AFF2: variants seen among roughly 807,000 people sequenced by gnomAD.
AFF2 encodes the protein ALF transcription elongation factor 2.
Under a neutral mutation model 76.9 loss-of-function variants are expected in AFF2, and 14 were observed. That is an observed-to-expected ratio of 0.18 (90% confidence interval 0.12 to 0.28). The LOEUF (loss-of-function observed/expected upper bound fraction) is 0.28, where lower values mean the gene tolerates loss of function less well. AFF2 is among the 10% of genes least tolerant of loss of function. AFF2 has a pLI of 1.00. For synonymous variants in AFF2, 398 were observed against 366.7 expected (o/e 1.09, Z -0.98); for missense variants, 868 against 1,001.1 (o/e 0.87, Z 1.79).
intron 1 of AFF2, among the ~76,000 whole-genome samples, chrX:148,552,241 G>T (rs2053002790): frequency 8.9e-6 from 1 of 112,151 alleles, no homozygotes; most frequent in African/African-American, 3.2e-5. Context: ...GGGTGGTCTT[G>T]GGAACCCCTG....
At chrX:148,577,806 T>C (rs1185031728) in intron 1 of AFF2, among the ~76,000 whole-genome samples, 2 of 111,772 alleles carry the variant, frequency 1.8e-5, no homozygotes, top group African/African-American at 6.5e-5. Context: ...AGCGGCATCA[T>C]CTTTTTTCCC....
In AFF2 at chrX:148,662,293, C is replaced by G. The variant is rs782397628; in HGVS notation, c.566C>G (p.Ser189Cys). ...ATGCAGACTTTGACACAGGACCAGT[C>G]TCAAGCCAAACTGGAAGACTTCTTT... ...NKMQTLTQDQ[S>C]QAKLEDFFVY... The change falls in exon 3 of 21, where the codon TCT (serine) becomes TGT (cysteine). Residue 189 changes from serine to cysteine, a missense_variant. This residue lies in a region of AFF2 where 196 missense variants were observed against 194.8 expected (regional missense o/e 1.01). Transcript: ENST00000370460. The G allele has an allele frequency of 6.6e-6, 8 of 1,210,133 alleles. No individual in the cohort carries two copies. In the Middle Eastern group the frequency reaches 6.9e-4, roughly 104 times the overall value.
intron 1 of AFF2, among the ~76,000 whole-genome samples, chrX:148,558,015 C>G (rs1450910257): frequency 2.7e-5 from 3 of 111,884 alleles, no homozygotes; most frequent in Non-Finnish European, 3.8e-5. Context: ...CACATTTTGC[C>G]ACACCTGATG....
At chrX:148,854,954 A>G (rs1475005492) in intron 7 of AFF2, among the ~76,000 whole-genome samples, 1 of 111,688 alleles carries the variant, frequency 9.0e-6, no homozygotes, top group Non-Finnish European at 1.9e-5. Context: ...AATGCCACAC[A>G]TAGAAAATGA....
intron 3 of AFF2, among the ~76,000 whole-genome samples, chrX:148,805,040 A>C (rs999227809): frequency 1.6e-4 from 18 of 112,067 alleles, no homozygotes; most frequent in African/African-American, 5.8e-4. Context: ...AAAAAGATTG[A>C]AAACTCATTT....
intron 3 of AFF2, among the ~76,000 whole-genome samples, chrX:148,780,463 T>A (rs1235928198): frequency 8.9e-6 from 1 of 112,102 alleles, no homozygotes; most frequent in South Asian, 3.7e-4. Flanking sequence ...TTATTTTTTC[T>A]CTAATCTTGT....
intron 7 of AFF2, among the ~76,000 whole-genome samples, chrX:148,852,967 A>G (rs1461570097): frequency 1.8e-5 from 2 of 111,513 alleles, no homozygotes; most frequent in Non-Finnish European, 3.8e-5. Flanking sequence ...AACTGATTTT[A>G]TGGAGAAGGA....
intron 3 of AFF2, among the ~76,000 whole-genome samples, chrX:148,729,006 T>C (rs1569554433): frequency 8.9e-6 from 1 of 112,123 alleles, no homozygotes; most frequent in East Asian, 2.8e-4. Context: ...ACTCTGCATC[T>C]TTGCCTGTGT....
At chrX:148,534,147 A>G (rs1036254512) in intron 1 of AFF2, among the ~76,000 whole-genome samples, 8 of 112,160 alleles carry the variant, frequency 7.1e-5, no homozygotes, top group Non-Finnish European at 1.3e-4. Flanking sequence ...ATAGAATTCT[A>G]CCTATAGCAA....
At chrX:148,602,095 CT>C (rs2053631868) in intron 1 of AFF2, among the ~76,000 whole-genome samples, 1 of 111,743 alleles carries the variant, frequency 8.9e-6, no homozygotes, top group African/African-American at 3.3e-5. Flanking sequence ...CAGAAGAAGG[CT>C]TTTCAGAGGA....
chrX:148,623,467 A>G (rs782792734), intron 1 of AFF2, among the ~76,000 whole-genome samples: 5 of 110,594 alleles, frequency 4.5e-5, no homozygotes, highest in African/African-American at 1.6e-4. Flanking sequence ...AAGGAGGTGC[A>G]TATTAATGTT....
chrX:148,702,116 C>T (rs897961113), intron 3 of AFF2, among the ~76,000 whole-genome samples: 1 of 111,127 alleles, frequency 9.0e-6, no homozygotes, highest in South Asian at 3.8e-4. Context: ...TAGGTATCCA[C>T]GTGGATGTCA....
chrX:148,626,735 G>C (rs1476876486), intron 1 of AFF2, among the ~76,000 whole-genome samples: 3 of 110,731 alleles, frequency 2.7e-5, no homozygotes, highest in African/African-American at 9.9e-5. Flanking sequence ...CCTTCTCTGT[G>C]TCTCCAATCT....
At chrX:148,637,099 G>T (rs2033753642) in intron 1 of AFF2, among the ~76,000 whole-genome samples, 1 of 111,938 alleles carries the variant, frequency 8.9e-6, no homozygotes, top group Non-Finnish European at 1.9e-5. Flanking sequence ...TAGTTTTGTT[G>T]TACTAGTTAA....
At position 148,721,140 on chromosome X, in the gene AFF2, G is replaced by A. The variant is rs1234146810; in HGVS notation, c.1041+58372G>A. Reference sequence around the variant, plus strand: ...ACTTGGTGGAGGGCAACTTTCTTTTGGGTGTGTATTTTACAATCAAAGTGA... The same window carrying A: ...ACTTGGTGGAGGGCAACTTTCTTTTAGGTGTGTATTTTACAATCAAAGTGA... On this transcript the variant is annotated intron_variant, in intron 3 of 20. Coordinates refer to ENST00000370460, the MANE Select transcript of AFF2 (RefSeq NM_002025.4). Among the ~76,000 whole-genome samples, 3 of 111,844 alleles carry A rather than the reference G, an allele frequency of 2.7e-5. No individual in the cohort carries two copies. The East Asian group carries it at 8.5e-4, about 32-fold the overall frequency.
chrX:148,648,707 G>A (rs937805635), intron 1 of AFF2, among the ~76,000 whole-genome samples: 39 of 110,815 alleles, frequency 3.5e-4, no homozygotes, highest in African/African-American at 1.2e-3. Context: ...GTCAGCTAGC[G>A]TGGATATCAA....
At chrX:148,644,926 A>G (rs1557255172) in intron 1 of AFF2, among the ~76,000 whole-genome samples, 1 of 112,240 alleles carries the variant, frequency 8.9e-6, no homozygotes, top group South Asian at 3.7e-4. Context: ...TCTGATAGGC[A>G]GCCAAAATTG....
chrX:148,679,788 T>A, intron 3 of AFF2, among the ~76,000 whole-genome samples: 2 of 111,694 alleles, frequency 1.8e-5, no homozygotes, highest in Middle Eastern at 4.6e-3. Flanking sequence ...TCTAAATACA[T>A]TTCACTTAGA....
At chrX:148,919,259 C>A (rs893178676) in intron 9 of AFF2, among the ~76,000 whole-genome samples, 43 of 111,275 alleles carry the variant, frequency 3.9e-4, no homozygotes, top group African/African-American at 1.4e-3. Flanking sequence ...CAAAAAGCAA[C>A]CCTGTGCAAT....
Sources: allele counts gnomAD v4.1 joint callset (sites outside exome capture counted in the v4.1 genomes callset), GRCh38; gene constraint gnomAD v4.1.1; regional missense constraint gnomAD v4.1.1; transcripts MANE v1.5; gene names NCBI Gene and HGNC (gene_info 2026-07-23, HGNC 2026-07-21).